The following TPCN1 variants were observed in gnomAD, a reference collection of about 807,000 sequenced individuals.
TPCN1 encodes two pore channel protein 1.
In TPCN1, 52 loss-of-function variants were observed where a neutral mutation model predicts 108.8. The observed-to-expected ratio is 0.48, with a 90% CI of 0.38 to 0.60. The LOEUF (loss-of-function observed/expected upper bound fraction) is 0.60. TPCN1 is among the 20% of genes least tolerant of loss of function. The probability of loss-of-function intolerance (pLI) is 0.00; values close to 1 mark genes in which losing one functional copy is unlikely to be tolerated. For missense variants in TPCN1, 806 were observed against 1,072.8 expected (o/e 0.75, Z 3.47); for synonymous variants, 446 against 433.7 (o/e 1.03, Z -0.35).
At chr12:113,292,578 G>A (rs1021762517) in intron 25 of TPCN1, 4 of 211,812 alleles carry the variant, frequency 1.9e-5, no homozygotes, top group South Asian at 1.7e-4. Flanking sequence ...CCTGGGCAGC[G>A]GAGTGAGACC....
At chr12:113,277,456 A>G (rs773586726) in intron 12 of TPCN1, 92 bp downstream of exon 12, 32 of 1,492,988 alleles carry the variant, frequency 2.1e-5, no homozygotes, top group Non-Finnish European at 2.9e-5. Flanking sequence ...TGAGGTGGGC[A>G]GGCCTATAGG....
intron 2 of TPCN1, among the ~76,000 whole-genome samples, chr12:113,254,974 C>T (rs1190329565): frequency 6.6e-6 from 1 of 152,162 alleles, no homozygotes; most frequent in African/African-American, 2.4e-5. Flanking sequence ...TGCTTTTCCC[C>T]TAAGATCAGG....
chr12:113,238,708 C>T (rs1349606349), intron 2 of TPCN1, among the ~76,000 whole-genome samples: 1 of 152,208 alleles, frequency 6.6e-6, no homozygotes, highest in Non-Finnish European at 1.5e-5. Context: ...TCTTTCTCTG[C>T]TCTTCACGGC....
intron 2 of TPCN1, chr12:113,244,413 G>T: frequency 1.0e-6 from 1 of 985,474 alleles, no homozygotes; most frequent in African/African-American, 1.7e-5. Flanking sequence ...TTACTAACGT[G>T]TGTCAATAAT....
At chr12:113,267,709 G>A (rs888929224) in intron 4 of TPCN1, 134 bp from the exon 5 acceptor site, 1 of 629,640 alleles carries the variant, frequency 1.6e-6, no homozygotes, top group Non-Finnish European at 2.9e-6. Flanking sequence ...AGGCATGCGA[G>A]GCCAGGTTTT....
chr12:113,229,591 C>G (rs1220420969), intron 2 of TPCN1, among the ~76,000 whole-genome samples: 2 of 152,188 alleles, frequency 1.3e-5, no homozygotes, highest in African/African-American at 4.8e-5. Flanking sequence ...CGTGTTCAAG[C>G]AATTCTCCTG....
chr12:113,244,693 G>C (rs1954283541), intron 2 of TPCN1: 1 of 985,448 alleles, frequency 1.0e-6, no homozygotes, highest in Non-Finnish European at 1.2e-6. Flanking sequence ...CGGGGCGGTT[G>C]CTCGTTGTCA....
At chr12:113,248,708 C>T (rs59817061) in intron 2 of TPCN1, among the ~76,000 whole-genome samples, 4 of 152,262 alleles carry the variant, frequency 2.6e-5, no homozygotes, top group East Asian at 1.9e-4. Context: ...TCAGGTTCCA[C>T]GAGACCCTCT....
intron 2 of TPCN1, among the ~76,000 whole-genome samples, chr12:113,236,059 C>T (rs567679114): frequency 5.3e-5 from 8 of 152,286 alleles, no homozygotes; most frequent in African/African-American, 1.4e-4. Flanking sequence ...AGGAGCTGGA[C>T]CTTCATCCTG....
At position 113,288,874 on chromosome 12, in the gene TPCN1, C is replaced by T. The variant is rs367764466; in HGVS notation, c.1796+27C>T. 172 of 1,610,080 alleles carry T rather than the reference C, an allele frequency of 1.1e-4. 2 individuals are homozygous for T. The highest frequency in any genetic ancestry group is 1.4e-4 in the Non-Finnish European group (160 of 1,177,736). On this transcript the variant is annotated intron_variant, in intron 21 of 27. Transcript: ENST00000335509. The surrounding 1 kb of genome is among the most constrained non-coding windows in gnomAD (Gnocchi z 4.8). Reference sequence around the variant, plus strand: ...TGAGTAGGCCCCACCCAGCCCCAGGCAGCCTGCATTTCCCGGGCAGAGGGC... The same window carrying T: ...TGAGTAGGCCCCACCCAGCCCCAGGTAGCCTGCATTTCCCGGGCAGAGGGC...
chr12:113,229,142 G>T (rs1953582054), intron 2 of TPCN1, among the ~76,000 whole-genome samples: 1 of 152,244 alleles, frequency 6.6e-6, no homozygotes, highest in African/African-American at 2.4e-5. Flanking sequence ...TAGCAAGGCT[G>T]CTTTTATCTT....
At chr12:113,283,547 T>C (rs186648772) in intron 15 of TPCN1, among the ~76,000 whole-genome samples, 371 of 151,970 alleles carry the variant, frequency 2.4e-3, no homozygotes, top group African/African-American at 8.2e-3. Context: ...GGTGGGAGGA[T>C]TGCTTGAGCC....
chr12:113,246,367 A>T (rs1301653245), intron 2 of TPCN1, among the ~76,000 whole-genome samples: 1 of 152,254 alleles, frequency 6.6e-6, no homozygotes, highest in East Asian at 1.9e-4. Flanking sequence ...CCAGAAGGGC[A>T]GGACAAAATG....
chr12:113,292,093 G>T, intron 25 of TPCN1, 135 bp downstream of exon 25: 1 of 729,010 alleles, frequency 1.4e-6, no homozygotes, highest in Non-Finnish European at 2.5e-6. Flanking sequence ...TATCTATCTG[G>T]CTTGTCTTTC....
rs200321383 is a variant in TPCN1, at chr12:113,267,830, C to A, written c.415-13C>A. The A allele has an allele frequency of 1.3e-6, 2 of 1,599,158 alleles. No homozygotes were observed. The highest frequency in any genetic ancestry group is 1.7e-6 in the Non-Finnish European group (2 of 1,166,550). ...GGCTGGCCATGACACATCTCCACAC[C>A]CTCTGGTCTCAGGTCCACGCCACCC... is the stretch of plus-strand genomic sequence containing the variant. On this transcript the variant is annotated splice_polypyrimidine_tract_variant and intron_variant, in intron 4 of 27. Coordinates refer to ENST00000335509, the MANE Select transcript of TPCN1 (RefSeq NM_017901.6).
chr12:113,241,597 A>G (rs1271761612), intron 2 of TPCN1, among the ~76,000 whole-genome samples: 2 of 152,230 alleles, frequency 1.3e-5, no homozygotes, highest in Non-Finnish European at 2.9e-5. Flanking sequence ...ACCAGTGCAC[A>G]GTGAAAAATG....
intron 7 of TPCN1, among the ~76,000 whole-genome samples, chr12:113,271,567 C>T (rs1393171249): frequency 6.6e-6 from 1 of 152,236 alleles, no homozygotes; most frequent in Non-Finnish European, 1.5e-5. Flanking sequence ...ATTGCCCTTT[C>T]GCTCAGCACT....
rs2303619 is a variant in TPCN1 at position 113,269,615 on chromosome 12, A to G, written c.660-142A>G. On this transcript the variant is annotated intron_variant, in intron 6 of 27. Transcript: ENST00000335509. The surrounding 1 kb of genome is among the most constrained non-coding windows in gnomAD (Gnocchi z 5.0). ...GGGGGTCTCAAGCCACTTTAGGAAA[A>G]AATGAAGCATGATGTCACACCAGAG... 8,572 of 722,018 alleles carry G rather than the reference A, an allele frequency of 0.012. 247 individuals carry two copies. The highest frequency in any genetic ancestry group is 0.073 in the East Asian group (2,757 of 37,788). 44.7% of individuals were successfully genotyped at this position (722,018 alleles called of 1,614,324 possible).
Position 113,268,705 on chromosome 12 carries a change from G to A in TPCN1, c.529-37G>A, listed in dbSNP as rs376373122. 3.6e-4 allele frequency: 575 copies of A among 1,609,422 alleles called. No homozygotes were observed. The highest frequency in any genetic ancestry group is 3.2e-3 in the Middle Eastern group (16 of 4,988). ...AGGTATGCAGGATGACGGCTGGGCT[G>A]CAGGGGCTGACGGTGCTCCATGCCT... On this transcript the variant is annotated intron_variant, in intron 5 of 27. Coordinates refer to ENST00000335509, the MANE Select transcript of TPCN1 (RefSeq NM_017901.6). The surrounding 1 kb of genome is among the most constrained non-coding windows in gnomAD (Gnocchi z 7.3).
Sources: allele counts gnomAD v4.1 joint callset (sites outside exome capture counted in the v4.1 genomes callset), GRCh38; gene constraint gnomAD v4.1.1; non-coding constraint Gnocchi (gnomAD v3.1); transcripts MANE v1.5; gene names NCBI Gene and HGNC (gene_info 2026-07-23, HGNC 2026-07-21).